The following THBS4 variants were observed in gnomAD, a reference collection of about 807,000 sequenced individuals.
The protein encoded by THBS4 is thrombospondin 4, also known as thrombospondin-4.
Under a neutral mutation model 115.7 loss-of-function variants are expected in THBS4, and 90 were observed. That is an observed-to-expected ratio of 0.78 (90% CI 0.66 to 0.93). The LOEUF is 0.93. Among genes scored for constraint, THBS4 ranks in the 40% least tolerant of loss-of-function variants. THBS4 has a pLI of 0.00. For synonymous variants in THBS4, 460 were observed against 479.3 expected (o/e 0.96, Z 0.53); for missense variants, 1,087 against 1,232.7 (o/e 0.88, Z 1.77).
intron 2 of THBS4, among the ~76,000 whole-genome samples, chr5:80,001,015 T>G (rs969869148): frequency 2.6e-4 from 40 of 152,202 alleles, no homozygotes; most frequent in African/African-American, 9.2e-4. Context: ...AGATAACTTG[T>G]ACCTATGGAC....
chr5:80,018,777 A>G (rs1832303133), intron 2 of THBS4, among the ~76,000 whole-genome samples: 1 of 152,148 alleles, frequency 6.6e-6, no homozygotes, highest in Non-Finnish European at 1.5e-5. Context: ...CATATTAAGT[A>G]TATTTATTGT....
intron 2 of THBS4, among the ~76,000 whole-genome samples, chr5:80,050,181 C>CT (rs1450649040): frequency 1.3e-5 from 2 of 152,202 alleles, no homozygotes. Context: ...ACCTTGCCCA[C>CT]TGCCTACACA....
At chr5:80,073,353 G>C in intron 15 of THBS4, 26 bp downstream of exon 15, 1 of 1,609,362 alleles carries the variant, frequency 6.2e-7, no homozygotes, top group Non-Finnish European at 8.5e-7. Context: ...CAACTGCAGA[G>C]AGACAGATGC....
At chr5:80,045,779 C>T (rs577034186) in intron 2 of THBS4, among the ~76,000 whole-genome samples, 1 of 152,276 alleles carries the variant, frequency 6.6e-6, no homozygotes, top group Non-Finnish European at 1.5e-5. Flanking sequence ...GATCTGCCTG[C>T]TTCGGCCTCC....
At chr5:79,994,944 T>C (rs1831761289) in intron 1 of THBS4, among the ~76,000 whole-genome samples, 1 of 152,202 alleles carries the variant, frequency 6.6e-6, no homozygotes, top group South Asian at 2.1e-4. Flanking sequence ...AGATGATAGC[T>C]GATCTCGAAG....
In THBS4 at chr5:80,082,511, C is replaced by T. The variant is rs1167859844; in HGVS notation, c.2790C>T (p.Asn930=). ...RLGVFCFSQE[N]IIWSNLKYRC... ...GCGTTTTCTGCTTCTCTCAAGAAAA[C>T]ATCATCTGGTCCAACCTCAAGTATC... The change falls in exon 21 of 22, where the codon AAC becomes AAT. Residue 930 remains asparagine (N), a synonymous_variant. Coordinates refer to ENST00000350881, the MANE Select transcript of THBS4 (RefSeq NM_003248.6). 1.2e-6 allele frequency: 2 copies of T among 1,614,052 alleles called. No homozygotes were observed. Among genetic ancestry groups the T allele is most frequent in the Admixed American group, 1.7e-5 (1 of 60,006 alleles).
At chr5:80,056,775 C>A (rs1199127236) in intron 3 of THBS4, among the ~76,000 whole-genome samples, 2 of 152,074 alleles carry the variant, frequency 1.3e-5, no homozygotes, top group Non-Finnish European at 2.9e-5. Context: ...TAACTATGTT[C>A]TTCTGTAATG....
chr5:79,996,949 T>C (rs761469665), intron 1 of THBS4, among the ~76,000 whole-genome samples: 6 of 151,952 alleles, frequency 3.9e-5, no homozygotes, highest in Non-Finnish European at 8.8e-5. Context: ...TGATGTTAAA[T>C]ATGTATATTA....
intron 2 of THBS4, among the ~76,000 whole-genome samples, chr5:80,003,815 C>G (rs983625396): frequency 1.3e-5 from 2 of 152,198 alleles, no homozygotes; most frequent in Admixed American, 1.3e-4. Context: ...AGTTAATCGT[C>G]CTCTATAGCA....
At chr5:80,015,731 A>G (rs1383040556) in intron 2 of THBS4, among the ~76,000 whole-genome samples, 1 of 152,200 alleles carries the variant, frequency 6.6e-6, no homozygotes, top group Non-Finnish European at 1.5e-5. Flanking sequence ...GTTCCTTTCC[A>G]TGATGAAGGC....
chr5:80,050,241 C>T (rs1243932290), intron 2 of THBS4, among the ~76,000 whole-genome samples: 1 of 152,166 alleles, frequency 6.6e-6, no homozygotes, highest in South Asian at 2.1e-4. Context: ...GGGTAATTCA[C>T]GTAGAGCTGG....
chr5:80,034,072 G>T (rs1832638833), upstream of THBS4, among the ~76,000 whole-genome samples: 1 of 152,152 alleles, frequency 6.6e-6, no homozygotes, highest in African/African-American at 2.4e-5. Flanking sequence ...CTGGAGATTT[G>T]AATGTTCCCA....
chr5:80,076,873 G>C lies in THBS4; in HGVS notation c.1911G>C (p.Gln637His). 6.3e-7 allele frequency: 1 copy of C among 1,599,374 alleles called. No homozygotes were observed. Among genetic ancestry groups the C allele is most frequent in the Non-Finnish European group, 8.5e-7 (1 of 1,172,168 alleles). ...TNQDSDGDGH[Q>H]DSTDNCPTVI... Reference sequence around the variant, plus strand: ...CCTGCAGTGATGGAGATGGGCACCAGGACAGCACAGACAACTGCCCCACCG... The same window carrying C: ...CCTGCAGTGATGGAGATGGGCACCACGACAGCACAGACAACTGCCCCACCG... Residue 637 changes from glutamine to histidine, a missense_variant, in exon 16 of 22, where the codon CAG becomes CAC. Physicochemically the swap from Gln to His is conservative, Grantham distance 24. Around this residue, in one of 3 missense-constraint regions of THBS4, gnomAD observed 979 missense variants for 1,103.7 expected, o/e 0.89. Coordinates refer to ENST00000350881, the MANE Select transcript of THBS4 (RefSeq NM_003248.6).
upstream of THBS4, among the ~76,000 whole-genome samples, chr5:80,031,280 G>A (rs1404618869): frequency 2.6e-5 from 4 of 152,136 alleles, no homozygotes; most frequent in Admixed American, 2.6e-4. Flanking sequence ...TTGGAACTTT[G>A]TGCTAGTGCC....
At chr5:80,072,248 C>T (rs1834089775) in intron 13 of THBS4, 30 bp from the exon 14 acceptor site, 1 of 1,599,990 alleles carries the variant, frequency 6.3e-7, no homozygotes, top group Admixed American at 1.7e-5. Context: ...TGACATTCCC[C>T]TGACTCAAGG....
At chr5:79,995,917 T>C (rs544972290) in intron 1 of THBS4, among the ~76,000 whole-genome samples, 1 of 151,838 alleles carries the variant, frequency 6.6e-6, no homozygotes, top group South Asian at 2.1e-4. Context: ...TGAGGATCAC[T>C]TGAGGTCAGG....
intron 2 of THBS4, among the ~76,000 whole-genome samples, chr5:80,011,394 G>A (rs899629452): frequency 2.0e-5 from 3 of 152,060 alleles, no homozygotes; most frequent in East Asian, 1.9e-4. Flanking sequence ...TAGTTGCCAC[G>A]GAGGCTGGGA....
chr5:80,019,269 T>C (rs1832313654), intron 2 of THBS4, among the ~76,000 whole-genome samples: 1 of 152,118 alleles, frequency 6.6e-6, no homozygotes, highest in Non-Finnish European at 1.5e-5. Flanking sequence ...TTCAAAAAAG[T>C]CATACACACA....
intron 2 of THBS4, among the ~76,000 whole-genome samples, chr5:80,047,633 ATTT>A (rs1554051282): frequency 3.9e-5 from 4 of 102,418 alleles, no homozygotes; most frequent in Admixed American, 9.8e-5. Flanking sequence ...AAAATTAAGA[ATTT>A]TTTTTTTTTT....
Sources: gnomAD v4.1 joint callset for allele counts (sites outside exome capture counted in the v4.1 genomes callset) on GRCh38, gnomAD v4.1.1 for gene constraint, gnomAD v4.1.1 regional missense constraint, MANE v1.5 for transcripts, NCBI Gene and HGNC (gene_info 2026-07-23, HGNC 2026-07-21) for gene names.